The following RUBCN variants were observed in gnomAD, a reference collection of about 807,000 sequenced individuals.
RUBCN encodes the protein run domain Beclin-1-interacting and cysteine-rich domain-containing protein.
RUBCN carries 74 observed loss-of-function variants against 113.2 expected under a neutral mutation model. The observed-to-expected ratio is 0.65, with a 90% CI of 0.54 to 0.79. The LOEUF (loss-of-function observed/expected upper bound fraction) is 0.79, where lower values mean the gene tolerates loss of function less well. RUBCN is among the 30% of genes least tolerant of loss of function. The pLI is 0.00. For missense variants in RUBCN, 1,109 were observed against 1,251.7 expected, an observed-to-expected ratio of 0.89 and a Z score of 1.72; for synonymous variants, 480 against 490.0, an observed-to-expected ratio of 0.98 and a Z score of 0.27.
At chr3:197,689,766 C>T (rs1157292309) in intron 11 of RUBCN, among the ~76,000 whole-genome samples, 1 of 152,164 alleles carries the variant, frequency 6.6e-6, no homozygotes, top group Non-Finnish European at 1.5e-5. Context: ...ATGGTCAAAG[C>T]AGGGTATTTA....
chr3:197,695,886 T>C lies in RUBCN; in HGVS notation c.1453A>G (p.Ser485Gly), dbSNP rs1477952993. The C allele has an allele frequency of 3.1e-6, 5 of 1,614,208 alleles. No individual in the cohort carries two copies. The South Asian group carries it at 5.5e-5, about 18-fold the overall frequency. The stretch of plus-strand genomic sequence containing the variant: ...CCCACCTTTTCCAGGTCGGCACAGC[T>C]GCCGAAGTCTTGCTCAGAGAGGTAG... ...ISYLSEQDFG[S>G]CADLEKENAH... The change falls in exon 9 of 20, where the codon AGC becomes GGC. Residue 485 changes from serine to glycine, a missense_variant. Coordinates refer to ENST00000296343, the MANE Select transcript of RUBCN (RefSeq NM_014687.4).
At chr3:197,696,089 T>C in intron 8 of RUBCN, 108 bp from the exon 9 acceptor site, 5 of 1,072,262 alleles carry the variant, frequency 4.7e-6, no homozygotes, top group Admixed American at 1.9e-5. Context: ...GAATTAGAGG[T>C]TGGAAGAAGA....
intron 1 of RUBCN, 129 bp from the exon 2 acceptor site, chr3:197,718,259 A>C: frequency 1.0e-6 from 1 of 983,952 alleles, no homozygotes; most frequent in Non-Finnish European, 1.6e-6. Flanking sequence ...CTTAATTTTT[A>C]CTTGGGCACA....
Position 197,675,282 on chromosome 3 carries a change from C to T in RUBCN, c.2741-86G>A, listed in dbSNP as rs925986202. Reference sequence around the variant, plus strand: ...GTCAGTTGCTGCCACAGCCCCTTCTCGCCACCAAGGCGTGGTGTCCCCTGG... The same window carrying T: ...GTCAGTTGCTGCCACAGCCCCTTCTTGCCACCAAGGCGTGGTGTCCCCTGG... On this transcript the variant is annotated intron_variant, in intron 19 of 19. Coordinates refer to ENST00000296343, the MANE Select transcript of RUBCN (RefSeq NM_014687.4). The surrounding 1 kb of genome is among the most constrained non-coding windows in gnomAD (Gnocchi z 4.4). The T allele has an allele frequency of 1.5e-5, 23 of 1,566,830 alleles. No homozygotes were observed. Among genetic ancestry groups the T allele is most frequent in the South Asian group, 6.7e-5 (6 of 89,832 alleles).
exon 1 of RUBCN, chr3:197,749,669 C>G (rs1234226140): frequency 2.7e-6 from 2 of 745,288 alleles, no homozygotes; most frequent in South Asian, 1.4e-5. Flanking sequence ...GGTCTAGCAT[C>G]CCCCAGTTTG....
chr3:197,722,291 A>C (rs532406311), intron 1 of RUBCN, among the ~76,000 whole-genome samples: 2 of 152,026 alleles, frequency 1.3e-5, no homozygotes, highest in African/African-American at 4.8e-5. Context: ...TCAGTTTTTA[A>C]AAGTTTGTTG....
chr3:197,701,544 T>C (rs1012926592), intron 6 of RUBCN, among the ~76,000 whole-genome samples, 164 bp downstream of exon 6: 4 of 152,216 alleles, frequency 2.6e-5, no homozygotes, highest in Admixed American at 6.5e-5. Flanking sequence ...ATGATTCTAC[T>C]GAATTATTTC....
chr3:197,697,767 G>A (rs534420954), intron 7 of RUBCN, among the ~76,000 whole-genome samples: 1 of 152,326 alleles, frequency 6.6e-6, no homozygotes, highest in East Asian at 1.9e-4. Context: ...GACCACAGAA[G>A]GAAGAACAGG....
In RUBCN at chr3:197,669,530, T is replaced by C. The variant is rs915622278; in HGVS notation, c.*5488A>G. The stretch of plus-strand genomic sequence containing the variant: ...ATGAATGTCAGGGAAGATGTACCCC[T>C]TTCATTGTATTAGTAGGTACATGAC... On this transcript the variant is annotated 3_prime_UTR_variant, in exon 20 of 20. Transcript: ENST00000296343. Among the ~76,000 whole-genome samples the C allele has an allele frequency of 6.6e-6, 1 of 152,244 alleles. No homozygotes were observed. Among genetic ancestry groups the C allele is most frequent in the Non-Finnish European group, 1.5e-5 (1 of 68,038 alleles).
chr3:197,681,698 C>T lies in RUBCN; in HGVS notation c.2191+137G>A. On this transcript the variant is annotated intron_variant, in intron 15 of 19. Transcript: ENST00000296343. This position sits in a 1 kb window ranked among gnomAD's most constrained non-coding sequence, Gnocchi z 5.5. ...CTCCGATTGCCAGCACTCTTGCCTACTACGAACCTTTCTTTCTCCTTCCCT... is the reference window on the plus strand; with the variant it reads ...CTCCGATTGCCAGCACTCTTGCCTATTACGAACCTTTCTTTCTCCTTCCCT... The T allele has an allele frequency of 1.3e-6, 1 of 776,774 alleles. No homozygotes were observed. Among genetic ancestry groups the T allele is most frequent in the Middle Eastern group, 3.2e-4 (1 of 3,160 alleles). 48.1% of individuals were successfully genotyped at this position (776,774 alleles called of 1,614,324 possible). A position where few individuals can be genotyped will look rare whatever the true frequency, so the allele number is the denominator to read the frequency against.
intron 2 of RUBCN, among the ~76,000 whole-genome samples, chr3:197,716,148 G>A (rs1725485772): frequency 6.6e-6 from 1 of 152,194 alleles, no homozygotes; most frequent in African/African-American, 2.4e-5. Context: ...GTTGTTGTGA[G>A]ATACAGTCTC....
At chr3:197,716,106 G>C (rs542125252) in intron 2 of RUBCN, among the ~76,000 whole-genome samples, 2 of 152,306 alleles carry the variant, frequency 1.3e-5, no homozygotes, top group African/African-American at 2.4e-5. Flanking sequence ...TAATGTCACT[G>C]AGCACATGGA....
intron 11 of RUBCN, among the ~76,000 whole-genome samples, chr3:197,686,261 C>T (rs529436795): frequency 4.3e-4 from 65 of 150,246 alleles, no homozygotes; most frequent in African/African-American, 1.2e-3. Context: ...TTTTTTTTTC[C>T]TTTGAGAGAA....
At chr3:197,691,965 A>G (rs1307378432) in intron 11 of RUBCN, among the ~76,000 whole-genome samples, 3 of 152,054 alleles carry the variant, frequency 2.0e-5, no homozygotes. Context: ...AAATTATTCA[A>G]AATACGCCCC....
intron 18 of RUBCN, chr3:197,676,118 C>T (rs1472314458): frequency 1.2e-6 from 1 of 858,342 alleles, no homozygotes; most frequent in Admixed American, 5.5e-5. Flanking sequence ...ATAAAGTATA[C>T]AAAACGCTGT....
intron 2 of RUBCN, among the ~76,000 whole-genome samples, chr3:197,710,609 AAAAAG>A (rs1427923073): frequency 6.6e-6 from 1 of 152,106 alleles, no homozygotes; most frequent in African/African-American, 2.4e-5. Context: ...AAAAAAAAAA[AAAAAG>A]AAAGAAATGT....
chr3:197,703,978 C>T (rs940774041), intron 4 of RUBCN, among the ~76,000 whole-genome samples: 3 of 152,142 alleles, frequency 2.0e-5, no homozygotes, highest in Admixed American at 6.5e-5. Flanking sequence ...ACAGCAGTGA[C>T]GGGCACACAG....
Position 197,700,927 on chromosome 3 carries a change from C to T in RUBCN, c.947G>A (p.Gly316Asp), listed in dbSNP as rs1723581379. 6.2e-7 allele frequency: 1 copy of T among 1,614,216 alleles called. No homozygotes were observed. Among genetic ancestry groups the T allele is most frequent in the Non-Finnish European group, 8.5e-7 (1 of 1,180,044 alleles). Residue 316 changes from glycine (G) to aspartate (D), a missense_variant, in exon 7 of 20, where the codon GGT becomes GAT. By Grantham distance (94) the Gly-to-Asp change is moderately conservative. Transcript: ENST00000296343. ...GTACTCAGGCCCCTCACTGGCATCA[C>T]CTGGGGAATCATTCTGGCTGCTGAC... ...SWVSSQNDSP[G>D]DASEGPEYLA... is the part of the protein sequence containing the mutation.
Position 197,736,772 on chromosome 3 carries a change from C to T in RUBCN, c.-53G>A. 6.6e-7 allele frequency: 1 copy of T among 1,514,216 alleles called. No individual in the cohort carries two copies. Among genetic ancestry groups the T allele is most frequent in the Non-Finnish European group, 8.8e-7 (1 of 1,137,850 alleles). 93.8% of individuals were successfully genotyped at this position (1,514,216 alleles called of 1,614,324 possible). ...CAAGAGAGGCGTCCCTGCCGCTTCG[C>T]CCTTCAGGGCTCCCGGGGCCCCCTG... On this transcript the variant is annotated 5_prime_UTR_variant, in exon 1 of 20. Coordinates refer to ENST00000296343, the MANE Select transcript of RUBCN (RefSeq NM_014687.4).
Sources: allele counts gnomAD v4.1 joint callset (sites outside exome capture counted in the v4.1 genomes callset), GRCh38; gene constraint gnomAD v4.1.1; non-coding constraint Gnocchi (gnomAD v3.1); transcripts MANE v1.5; gene names NCBI Gene and HGNC (gene_info 2026-07-23, HGNC 2026-07-21).